The following MAPK10 variants were observed in gnomAD, a reference collection of about 807,000 sequenced individuals.
MAPK10 encodes JNK3 alpha protein kinase.
MAPK10 carries 25 observed loss-of-function variants against 59.3 expected under a neutral mutation model. The ratio of observed to expected loss-of-function variants is 0.42; its 90% CI spans 0.31 to 0.59. The LOEUF (loss-of-function observed/expected upper bound fraction) is 0.59. Ranked by LOEUF, MAPK10 falls within the 20% of genes least tolerant of loss-of-function variation. The pLI is 0.15. For missense variants in MAPK10, 351 were observed against 568.9 expected, an observed-to-expected ratio of 0.62 and a Z score of 3.90; for synonymous variants, 190 against 200.5, an observed-to-expected ratio of 0.95 and a Z score of 0.44.
At chr4:86,306,112 T>G (rs1325768567) in intron 2 of MAPK10, among the ~76,000 whole-genome samples, 1 of 152,194 alleles carries the variant, frequency 6.6e-6, no homozygotes, top group Non-Finnish European at 1.5e-5. Context: ...CTATCAGATT[T>G]ACTGTATCAG....
At chr4:86,476,459 G>T (rs1052170332) in intron 1 of MAPK10, among the ~76,000 whole-genome samples, 7 of 152,106 alleles carry the variant, frequency 4.6e-5, no homozygotes, top group Non-Finnish European at 8.8e-5. Context: ...ATCAGTTAGT[G>T]TTTAGGCTCT....
intron 1 of MAPK10, among the ~76,000 whole-genome samples, chr4:86,489,833 T>A (rs1053544476): frequency 6.6e-6 from 1 of 151,890 alleles, no homozygotes; most frequent in East Asian, 1.9e-4. Context: ...AAAATTAATC[T>A]TTCTCCACCA....
chr4:86,583,366 G>A (rs557034389), intron 1 of MAPK10, among the ~76,000 whole-genome samples: 2 of 152,044 alleles, frequency 1.3e-5, no homozygotes, highest in East Asian at 3.9e-4. Context: ...ACCTTTTCTA[G>A]AAGCTAGAAA....
At chr4:86,147,770 A>C (rs1214867998) in intron 4 of MAPK10, among the ~76,000 whole-genome samples, 1 of 152,184 alleles carries the variant, frequency 6.6e-6, no homozygotes, top group Admixed American at 6.5e-5. Context: ...TGAAAAATCA[A>C]TTTTCATATT....
intron 1 of MAPK10, among the ~76,000 whole-genome samples, chr4:86,496,171 T>C (rs1754856363): frequency 1.3e-5 from 2 of 152,136 alleles, no homozygotes; most frequent in African/African-American, 4.8e-5. Context: ...ATGCAAAACC[T>C]GATATTAGCT....
At chr4:86,525,796 A>T (rs914970379) in intron 1 of MAPK10, among the ~76,000 whole-genome samples, 1 of 152,260 alleles carries the variant, frequency 6.6e-6, no homozygotes, top group Non-Finnish European at 1.5e-5. Context: ...GGAATAAGCA[A>T]AACGTAAGAC....
At chr4:86,199,444 T>G (rs2082129775) in intron 2 of MAPK10, among the ~76,000 whole-genome samples, 1 of 152,030 alleles carries the variant, frequency 6.6e-6, no homozygotes, top group Admixed American at 6.6e-5. Context: ...TTTATGAAAT[T>G]TTGAAAATAT....
chr4:86,555,680 G>C (rs1309367765), intron 1 of MAPK10, among the ~76,000 whole-genome samples: 1 of 152,026 alleles, frequency 6.6e-6, no homozygotes, highest in Non-Finnish European at 1.5e-5. Flanking sequence ...TTCTTTCCTT[G>C]ACTATCTTTA....
intron 4 of MAPK10, chr4:86,125,480 A>G (rs563569998): frequency 6.6e-6 from 1 of 152,060 alleles, no homozygotes; most frequent in African/African-American, 2.4e-5. Context: ...ATGTACTTTC[A>G]TTGACAAAAT....
intron 2 of MAPK10, among the ~76,000 whole-genome samples, chr4:86,300,171 G>C (rs1336534573): frequency 6.6e-6 from 1 of 152,158 alleles, no homozygotes; most frequent in East Asian, 1.9e-4. Flanking sequence ...GGAATTACAG[G>C]CATGAACCAC....
At chr4:86,538,972 A>G (rs1018520166) in intron 1 of MAPK10, among the ~76,000 whole-genome samples, 1 of 152,222 alleles carries the variant, frequency 6.6e-6, no homozygotes, top group Admixed American at 6.5e-5. Context: ...TCACTTATCA[A>G]ATTAAAAATC....
At chr4:86,194,527 A>G (rs984178478) in intron 2 of MAPK10, 120 bp from the exon 3 acceptor site, 15 of 677,874 alleles carry the variant, frequency 2.2e-5, no homozygotes, top group Non-Finnish European at 3.7e-5. Context: ...TATCTCCAAC[A>G]TAATCCTTAT....
At chr4:86,045,662 A>G (rs12642887) in intron 11 of MAPK10, among the ~76,000 whole-genome samples, 1 of 151,938 alleles carries the variant, frequency 6.6e-6, no homozygotes, top group African/African-American at 2.4e-5. Flanking sequence ...CATGCATGGT[A>G]CATGACAATG....
intron 1 of MAPK10, among the ~76,000 whole-genome samples, chr4:86,576,032 T>C (rs1761863065): frequency 6.6e-6 from 1 of 151,436 alleles, no homozygotes. Context: ...TATTATATAT[T>C]GCCCAGGCTG....
At chr4:86,153,578 G>T (rs886804642) in intron 4 of MAPK10, among the ~76,000 whole-genome samples, 1 of 152,092 alleles carries the variant, frequency 6.6e-6, no homozygotes, top group Non-Finnish European at 1.5e-5. Flanking sequence ...TTGACACATA[G>T]AAATGTGGGT....
intron 2 of MAPK10, among the ~76,000 whole-genome samples, chr4:86,225,134 G>A: frequency 6.6e-6 from 1 of 152,160 alleles, no homozygotes; most frequent in Admixed American, 6.6e-5. Context: ...GCAGCCTGAA[G>A]CTGTTATCCC....
At chr4:86,345,180 G>A (rs765300835) in intron 2 of MAPK10, among the ~76,000 whole-genome samples, 2 of 152,238 alleles carry the variant, frequency 1.3e-5, no homozygotes, top group Non-Finnish European at 2.9e-5. Flanking sequence ...AGCCTTCTGA[G>A]CCCCCTCTTC....
chr4:86,070,196 T>G (rs1352603304), intron 9 of MAPK10, among the ~76,000 whole-genome samples: 1 of 152,148 alleles, frequency 6.6e-6, no homozygotes, highest in African/African-American at 2.4e-5. Context: ...AAAGTCTGTG[T>G]CTTTATTTTA....
At chr4:86,496,347 T>A (rs1367207385) in intron 1 of MAPK10, among the ~76,000 whole-genome samples, 1 of 152,210 alleles carries the variant, frequency 6.6e-6, no homozygotes, top group Non-Finnish European at 1.5e-5. Context: ...GGCCTGAACC[T>A]GGAAGATTTC....
Sources: gnomAD v4.1 joint callset for allele counts (sites outside exome capture counted in the v4.1 genomes callset) on GRCh38, gnomAD v4.1.1 for gene constraint, MANE v1.5 for transcripts, NCBI Gene and HGNC (gene_info 2026-07-23, HGNC 2026-07-21) for gene names.